Variants in TOX observed in about 807,000 individuals in gnomAD.
The protein encoded by TOX is thymocyte selection associated high mobility group box.
Under a neutral mutation model 53.7 loss-of-function variants are expected in TOX, and 11 were observed. The ratio of observed to expected loss-of-function variants is 0.20; its 90% CI spans 0.13 to 0.34. TOX has a LOEUF of 0.34. Ranked by LOEUF, TOX falls within the 10% of genes least tolerant of loss-of-function variation. The pLI is 1.00. For missense variants in TOX, 570 were observed against 664.6 expected (o/e 0.86, Z 1.56); for synonymous variants, 225 against 245.3 (o/e 0.92, Z 0.77).
At chr8:58,884,337 G>T (rs983423773) in intron 3 of TOX, among the ~76,000 whole-genome samples, 4 of 152,070 alleles carry the variant, frequency 2.6e-5, no homozygotes, top group South Asian at 2.1e-4. Context: ...ATCTAAGAAG[G>T]TTATTCATAG....
At chr8:58,994,273 G>A (rs1161488536) in intron 1 of TOX, among the ~76,000 whole-genome samples, 1 of 152,054 alleles carries the variant, frequency 6.6e-6, no homozygotes, top group Non-Finnish European at 1.5e-5. Context: ...GGAAAATATA[G>A]ATGAATCCAT....
At chr8:58,827,550 T>A (rs1215026361) in intron 5 of TOX, among the ~76,000 whole-genome samples, 1 of 152,176 alleles carries the variant, frequency 6.6e-6, no homozygotes, top group Admixed American at 6.5e-5. Flanking sequence ...TCTGGTCACG[T>A]CCTTTCCAAG....
intron 1 of TOX, among the ~76,000 whole-genome samples, chr8:59,010,691 G>A (rs571529095): frequency 6.7e-4 from 102 of 152,272 alleles, no homozygotes; most frequent in African/African-American, 2.4e-3. Context: ...TTATCATGAG[G>A]ATCACTAGGA....
At chr8:58,905,780 C>A (rs561230524) in intron 3 of TOX, among the ~76,000 whole-genome samples, 1 of 152,266 alleles carries the variant, frequency 6.6e-6, no homozygotes, top group South Asian at 2.1e-4. Flanking sequence ...TTCCCTTTTC[C>A]ATTATGTTTC....
Position 58,815,457 on chromosome 8 carries a change from G to A in TOX, c.1273C>T (p.Pro425Ser). 1 of 1,614,100 alleles carries A rather than the reference G, an allele frequency of 6.2e-7. No individual in the cohort carries two copies. Among genetic ancestry groups the A allele is most frequent in the Non-Finnish European group, 8.5e-7 (1 of 1,180,010 alleles). The change falls in exon 7 of 9, where the codon CCG (proline) becomes TCG (serine). Residue 425 changes from proline to serine, a missense_variant. Physicochemically the swap from Pro to Ser is moderately conservative, Grantham distance 74 (BLOSUM62 -1). Around this residue, in one of 3 missense-constraint regions of TOX, gnomAD observed 239 missense variants for 250.7 expected, o/e 0.95. Coordinates refer to ENST00000361421, the MANE Select transcript of TOX (RefSeq NM_014729.3). ...VSPPPPLQIS[P>S]PLHQHLNMQQ... ...ATGTTGAGATGCTGGTGAAGAGGCGGGCTGATCTGGAGGGGAGGAGGAGGG... is the reference window on the plus strand; with the variant it reads ...ATGTTGAGATGCTGGTGAAGAGGCGAGCTGATCTGGAGGGGAGGAGGAGGG...
intron 1 of TOX, among the ~76,000 whole-genome samples, chr8:58,998,530 TATATATATAA>T (rs1376281016): frequency 9.1e-5 from 4 of 44,034 alleles, no homozygotes; most frequent in African/African-American, 2.7e-4. Flanking sequence ...TATATATATA[TATATATATAA>T]ATTTATATAT....
intron 3 of TOX, among the ~76,000 whole-genome samples, chr8:58,870,868 A>G (rs143017280): frequency 3.9e-5 from 6 of 152,246 alleles, no homozygotes; most frequent in African/African-American, 1.2e-4. Context: ...GAAAAATAAA[A>G]AAGTAGAGTA....
chr8:58,827,416 GGAGCCTT>G (rs1481192912), intron 5 of TOX, among the ~76,000 whole-genome samples: 1 of 152,150 alleles, frequency 6.6e-6, no homozygotes, highest in South Asian at 2.1e-4. Context: ...GTTAAGATTT[GGAGCCTT>G]GAAGTTCTAT....
rs180821646 is a variant in TOX at position 59,074,813 on chromosome 8, A to G, written c.102+44073T>C. Among the ~76,000 whole-genome samples, 327 of 152,236 alleles carry G rather than the reference A, an allele frequency of 2.1e-3. 5 individuals are homozygous for G. Among genetic ancestry groups the G allele is most frequent in the Admixed American group, 0.018 (274 of 15,302 alleles). On this transcript the variant is annotated intron_variant, in intron 1 of 8. Transcript: ENST00000361421. The stretch of plus-strand genomic sequence containing the variant: ...AGACAAAGACAAGAGAATGTCCAAC[A>G]CTCAGACAGCATGAGACTCCAGGCC...
At chr8:58,971,943 G>C (rs1813010610) in intron 1 of TOX, among the ~76,000 whole-genome samples, 1 of 152,114 alleles carries the variant, frequency 6.6e-6, no homozygotes, top group Non-Finnish European at 1.5e-5. Context: ...CACCTGCCTT[G>C]GCCTCCCAAA....
intron 5 of TOX, among the ~76,000 whole-genome samples, chr8:58,831,927 G>A (rs756390004): frequency 7.2e-5 from 11 of 152,074 alleles, no homozygotes; most frequent in Non-Finnish European, 1.6e-4. Flanking sequence ...TATAGATAAA[G>A]CACAACAGAC....
At chr8:58,850,804 T>C (rs1298367219) in intron 4 of TOX, among the ~76,000 whole-genome samples, 3 of 152,238 alleles carry the variant, frequency 2.0e-5, no homozygotes, top group Admixed American at 6.5e-5. Flanking sequence ...GCGAAGCTAC[T>C]AGAAAGTTAA....
intron 1 of TOX, among the ~76,000 whole-genome samples, chr8:58,967,261 ACTT>A (rs904994216): frequency 3.4e-4 from 52 of 152,174 alleles, no homozygotes; most frequent in African/African-American, 1.2e-3. Context: ...ACCAGTTTGA[ACTT>A]CTTCCTTTGG....
Position 59,118,735 on chromosome 8 carries a change from A to C in TOX, c.102+151T>G, listed in dbSNP as rs1805154060. ...CCGGAGCTACTCCACAATATTTACT[A>C]CCCAAGCGCACGCAGGCTGCAGCGG... is the stretch of plus-strand genomic sequence containing the variant. On this transcript the variant is annotated intron_variant, in intron 1 of 8. Coordinates refer to ENST00000361421, the MANE Select transcript of TOX (RefSeq NM_014729.3). This position sits in a 1 kb window ranked among gnomAD's most constrained non-coding sequence, Gnocchi z 4.1. 2.3e-6 allele frequency: 1 copy of C among 441,662 alleles called. No homozygotes were observed. The highest frequency in any genetic ancestry group is 3.9e-6 in the Non-Finnish European group (1 of 257,380). 27.4% of individuals were successfully genotyped at this position (441,662 alleles called of 1,614,324 possible).
intron 1 of TOX, among the ~76,000 whole-genome samples, chr8:59,108,560 T>C (rs1804953280): frequency 6.6e-6 from 1 of 152,128 alleles, no homozygotes; most frequent in Admixed American, 6.5e-5. Context: ...CTCCCACTCA[T>C]TCGCCTTTTG....
chr8:58,940,220 A>G, intron 2 of TOX, among the ~76,000 whole-genome samples: 1 of 152,170 alleles, frequency 6.6e-6, no homozygotes, highest in East Asian at 1.9e-4. Flanking sequence ...GACAAATAAT[A>G]TTGCAAATAT....
At chr8:58,947,149 A>T (rs995422843) in intron 2 of TOX, among the ~76,000 whole-genome samples, 1 of 152,114 alleles carries the variant, frequency 6.6e-6, no homozygotes, top group African/African-American at 2.4e-5. Flanking sequence ...ATGTAGCATT[A>T]TTGTTTTTTA....
chr8:59,011,645 C>G (rs1274284837), intron 1 of TOX, among the ~76,000 whole-genome samples: 1 of 152,102 alleles, frequency 6.6e-6, no homozygotes, highest in African/African-American at 2.4e-5. Context: ...TAACTTTGAT[C>G]AAGGTATTTA....
In TOX at chr8:58,808,125, T is replaced by G. The variant is rs1033441190; in HGVS notation, c.1537A>C (p.Ser513Arg). 1.2e-6 allele frequency: 2 copies of G among 1,612,968 alleles called. No individual in the cohort carries two copies. Among genetic ancestry groups the G allele is most frequent in the East Asian group, 2.2e-5 (1 of 44,876 alleles). ...CGATGACCGGCCGCTTACCCACTAC[T>G]GCAGTAGTCGTTATTCCAGTCCACC... is the stretch of plus-strand genomic sequence containing the variant. ...QPVDWNNDYCSSGGMQRDKAL... is the reference protein window; with the variant it reads ...QPVDWNNDYCRSGGMQRDKAL... The change falls in exon 8 of 9, where the codon AGT becomes CGT. Residue 513 changes from serine to arginine, a missense_variant. By Grantham distance (110) the Ser-to-Arg change is moderately radical. Around this residue, in one of 3 missense-constraint regions of TOX, gnomAD observed 239 missense variants for 250.7 expected, o/e 0.95. Transcript: ENST00000361421.
Sources: gnomAD v4.1 joint callset for allele counts (sites outside exome capture counted in the v4.1 genomes callset) on GRCh38, gnomAD v4.1.1 for gene constraint, gnomAD v4.1.1 regional missense constraint, Gnocchi (gnomAD v3.1) non-coding constraint, MANE v1.5 for transcripts, NCBI Gene and HGNC (gene_info 2026-07-23, HGNC 2026-07-21) for gene names.